The following SRGAP1 variants were observed in gnomAD, a reference collection of about 807,000 sequenced individuals.
SRGAP1 encodes the protein SLIT-ROBO Rho GTPase activating protein 1, also known as SLIT-ROBO Rho GTPase-activating protein 1.
SRGAP1 carries 43 observed loss-of-function variants against 121.9 expected under a neutral mutation model. That is an observed-to-expected ratio of 0.35 (90% CI 0.28 to 0.46). The LOEUF is 0.46. Ranked by LOEUF, SRGAP1 falls within the 20% of genes least tolerant of loss-of-function variation. The probability of loss-of-function intolerance (pLI) is 1.00; values close to 1 mark genes in which losing one functional copy is unlikely to be tolerated. For synonymous variants in SRGAP1, 447 were observed against 485.4 expected, an observed-to-expected ratio of 0.92 and a Z score of 1.04; for missense variants, 1,102 against 1,350.9, an observed-to-expected ratio of 0.82 and a Z score of 2.89.
intron 1 of SRGAP1, among the ~76,000 whole-genome samples, chr12:63,981,919 A>G (rs981578998): frequency 6.6e-6 from 1 of 152,174 alleles, no homozygotes; most frequent in South Asian, 2.1e-4. Flanking sequence ...GGATAGAAGG[A>G]TGGGAAGTGT....
intron 21 of SRGAP1, among the ~76,000 whole-genome samples, chr12:64,141,972 G>A (rs1336274319): frequency 6.6e-6 from 1 of 152,148 alleles, no homozygotes; most frequent in Non-Finnish European, 1.5e-5. Context: ...CTGGCTAACA[G>A]AGTGAGACCC....
rs189315069 is a variant in SRGAP1, at chr12:64,062,623, T to A, written c.802-294T>A. Among the ~76,000 whole-genome samples the A allele has an allele frequency of 1.7e-3, 258 of 152,238 alleles. 1 individual carries two copies. Among genetic ancestry groups the A allele is most frequent in the African/African-American group, 5.9e-3 (246 of 41,546 alleles). On this transcript the variant is annotated intron_variant, in intron 6 of 21. Coordinates refer to ENST00000355086, the MANE Select transcript of SRGAP1 (RefSeq NM_020762.4). ...CCTTCAACTCCCAGGTTCAGGCAATTCTTGTGGCTCAGCCTCCTGAGTAGC... is the reference window on the plus strand; with the variant it reads ...CCTTCAACTCCCAGGTTCAGGCAATACTTGTGGCTCAGCCTCCTGAGTAGC...
chr12:64,127,753 A>T, intron 20 of SRGAP1, 29 bp downstream of exon 20: 1 of 1,612,220 alleles, frequency 6.2e-7, no homozygotes, highest in Non-Finnish European at 8.5e-7. Context: ...TCAGGCCCCT[A>T]AGCCTCCGCT....
chr12:63,999,707 G>A (rs2033821058), intron 3 of SRGAP1, among the ~76,000 whole-genome samples: 1 of 152,032 alleles, frequency 6.6e-6, no homozygotes, highest in Non-Finnish European at 1.5e-5. Flanking sequence ...TTTACTTTTG[G>A]GTGTGCCTAT....
rs57320190 is a variant in SRGAP1 at position 64,152,911 on chromosome 12, TAAAAAAAAAAA to T, written c.*10254_*10264del. The T allele has an allele frequency of 2.2e-5, 2 of 89,912 alleles. No individual in the cohort carries two copies. The highest frequency in any genetic ancestry group is 2.7e-4 in the Admixed American group (2 of 7,400). The allele number at this position is 89,912 out of a possible 1,614,324, so 5.6% of individuals were successfully genotyped here. A position where few individuals can be genotyped will look rare whatever the true frequency, so the allele number is the denominator to read the frequency against. ...ATGGAGTGTACTTCCTGGTATGATT[TAAAAAAAAAAA>T]AAAAAAAAAAAAAACCACTACATAA... On this transcript the variant is annotated 3_prime_UTR_variant, in exon 22 of 22. Coordinates refer to ENST00000355086, the MANE Select transcript of SRGAP1 (RefSeq NM_020762.4).
Position 64,143,594 on chromosome 12 carries a change from AG to A in SRGAP1, c.*924del, listed in dbSNP as rs1412619352. On this transcript the variant is annotated 3_prime_UTR_variant, in exon 22 of 22. Coordinates refer to ENST00000355086, the MANE Select transcript of SRGAP1 (RefSeq NM_020762.4). ...AAATGAAGGCAGCAAGAAGCACCTG[AG>A]GCCTTGGTTCATGCAGTGTTCTCTT... 1 of 152,284 alleles carries A rather than the reference AG, an allele frequency of 6.6e-6. No individual in the cohort carries two copies. Among genetic ancestry groups the A allele is most frequent in the African/African-American group, 2.4e-5 (1 of 41,442 alleles). The allele number at this position is 152,284 out of a possible 1,614,324, so 9.4% of individuals were successfully genotyped here.
intron 6 of SRGAP1, among the ~76,000 whole-genome samples, chr12:64,047,684 T>C (rs564911227): frequency 1.3e-5 from 2 of 152,272 alleles, no homozygotes; most frequent in African/African-American, 4.8e-5. Context: ...GTCTTTTTTC[T>C]AACAAAGTTT....
intron 15 of SRGAP1, among the ~76,000 whole-genome samples, chr12:64,099,028 TC>T (rs1373207090): frequency 6.6e-6 from 1 of 152,168 alleles, no homozygotes; most frequent in African/African-American, 2.4e-5. Flanking sequence ...TTTTCTGATC[TC>T]CCCGCATTAT....
At chr12:64,119,204 T>G (rs1025685209) in intron 18 of SRGAP1, among the ~76,000 whole-genome samples, 4 of 152,216 alleles carry the variant, frequency 2.6e-5, no homozygotes, top group Non-Finnish European at 5.9e-5. Context: ...ATGAAGTATC[T>G]TCTTTGTGTG....
intron 21 of SRGAP1, among the ~76,000 whole-genome samples, chr12:64,141,930 G>T (rs146450459): frequency 6.6e-6 from 1 of 152,102 alleles, no homozygotes; most frequent in Non-Finnish European, 1.5e-5. Flanking sequence ...GGTCGAGGCC[G>T]TAGTGAGCTG....
At chr12:63,909,012 T>A (rs1376042090) in intron 1 of SRGAP1, among the ~76,000 whole-genome samples, 2 of 152,002 alleles carry the variant, frequency 1.3e-5, no homozygotes, top group African/African-American at 4.8e-5. Flanking sequence ...TGCCTCAGCC[T>A]CCCAATAGCT....
chr12:63,849,105 A>G (rs1898994941), intron 1 of SRGAP1, among the ~76,000 whole-genome samples: 1 of 152,216 alleles, frequency 6.6e-6, no homozygotes, highest in Admixed American at 6.5e-5. Context: ...AAATTCTCAA[A>G]GACTTAGAAT....
chr12:64,028,737 T>C (rs2034707545), intron 4 of SRGAP1, among the ~76,000 whole-genome samples: 2 of 152,234 alleles, frequency 1.3e-5, no homozygotes, highest in Admixed American at 1.3e-4. Flanking sequence ...TCGTGAGTGC[T>C]CTGCTCCCAT....
At chr12:63,894,131 G>A (rs113646541) in intron 1 of SRGAP1, among the ~76,000 whole-genome samples, 4,516 of 152,274 alleles carry the variant, frequency 0.03, 119 homozygotes, top group African/African-American at 0.068. Flanking sequence ...GAGCCACTAC[G>A]CCCGGTGCCT....
intron 1 of SRGAP1, among the ~76,000 whole-genome samples, chr12:63,966,932 A>G (rs2032805840): frequency 1.3e-5 from 2 of 152,220 alleles, no homozygotes; most frequent in South Asian, 2.1e-4. Context: ...AGTATTCATA[A>G]TGATTAACCC....
Position 64,043,533 on chromosome 12 carries a change from A to G in SRGAP1, c.759A>G (p.Ser253=). Reference sequence around the variant, plus strand: ...TAACACTTGAAGCCACCAATGCCTCAGTTTTCAAGTACTATATTCATGATC... The same window carrying G: ...TAACACTTGAAGCCACCAATGCCTCGGTTTTCAAGTACTATATTCATGATC... ...YLLTLEATNA[S]VFKYYIHDLS... The change falls in exon 6 of 22, where the codon TCA becomes TCG. Residue 253 remains serine, a synonymous_variant. Transcript: ENST00000355086. The G allele has an allele frequency of 6.2e-7, 1 of 1,612,632 alleles. No individual in the cohort carries two copies. The highest frequency in any genetic ancestry group is 1.3e-5 in the African/African-American group (1 of 75,014).
Position 64,147,352 on chromosome 12 carries a change from T to TGGGGGGG in SRGAP1, c.*4681_*4682insGGGGGGG. ...GCTCTTGTACCGTTGCCCCGCTCTG[T>TGGGGGGG]GCCCCACCCCCACCTCCTCCTCCCA... On this transcript the variant is annotated 3_prime_UTR_variant, in exon 22 of 22. Transcript: ENST00000355086. 2.6e-6 allele frequency: 1 copy of TGGGGGGG among 384,738 alleles called. No homozygotes were observed. The highest frequency in any genetic ancestry group is 4.6e-6 in the Non-Finnish European group (1 of 218,606). 23.8% of individuals were successfully genotyped at this position (384,738 alleles called of 1,614,324 possible). A position where few individuals can be genotyped will look rare whatever the true frequency, so the allele number is the denominator to read the frequency against.
rs545245306 is a variant in SRGAP1, at chr12:64,016,450, G to A, written c.427-500G>A. ...TGCGGTGAGCTGTGAGCATGCCACC[G>A]CGCTGCAGCCTGGGTGACAGAGCGA... On this transcript the variant is annotated intron_variant, in intron 3 of 21. Coordinates refer to ENST00000355086, the MANE Select transcript of SRGAP1 (RefSeq NM_020762.4). Among the ~76,000 whole-genome samples the A allele has an allele frequency of 4.6e-5, 7 of 152,232 alleles. No homozygotes were observed. The East Asian group carries it at 5.8e-4, about 13-fold the overall frequency.
chr12:64,027,133 C>T (rs1471415017), intron 4 of SRGAP1, among the ~76,000 whole-genome samples: 1 of 152,068 alleles, frequency 6.6e-6, no homozygotes, highest in Non-Finnish European at 1.5e-5. Flanking sequence ...TAACAGCTAA[C>T]CTTTGTGCCA....
Sources: gnomAD v4.1 joint callset for allele counts (sites outside exome capture counted in the v4.1 genomes callset) on GRCh38, gnomAD v4.1.1 for gene constraint, MANE v1.5 for transcripts, NCBI Gene and HGNC (gene_info 2026-07-23, HGNC 2026-07-21) for gene names.